The following LDLRAD4 variants were observed in gnomAD, a reference collection of about 807,000 sequenced individuals.
LDLRAD4 encodes low-density lipoprotein receptor class A domain-containing protein 4.
In LDLRAD4, 5 loss-of-function variants were observed where a neutral mutation model predicts 17.0. The ratio of observed to expected loss-of-function variants is 0.29; its 90% CI spans 0.15 to 0.62. The LOEUF is 0.62. Among genes scored for constraint, LDLRAD4 ranks in the 20% least tolerant of loss-of-function variants. The probability of loss-of-function intolerance (pLI) is 0.84; values close to 1 mark genes in which losing one functional copy is unlikely to be tolerated. For synonymous variants in LDLRAD4, 168 were observed against 171.8 expected, an observed-to-expected ratio of 0.98 and a Z score of 0.17; for missense variants, 340 against 424.7, an observed-to-expected ratio of 0.80 and a Z score of 1.75.
chr18:13,435,380 A>G (rs1175500718), intron 2 of LDLRAD4, among the ~76,000 whole-genome samples: 1 of 152,242 alleles, frequency 6.6e-6, no homozygotes, highest in Non-Finnish European at 1.5e-5. Context: ...TGTGATGGAA[A>G]GACCTTACTC....
At chr18:13,392,047 T>A (rs2086313417) in intron 2 of LDLRAD4, among the ~76,000 whole-genome samples, 1 of 152,260 alleles carries the variant, frequency 6.6e-6, no homozygotes. Flanking sequence ...ATAAACTCCC[T>A]GAGGCAAAAT....
chr18:13,253,234 G>C (rs1185054134), intron 1 of LDLRAD4, among the ~76,000 whole-genome samples: 1 of 152,036 alleles, frequency 6.6e-6, no homozygotes, highest in Admixed American at 6.6e-5. Context: ...AGTGTCAGAC[G>C]TGGGGTGGGG....
intron 3 of LDLRAD4, among the ~76,000 whole-genome samples, chr18:13,568,293 A>G (rs1601443168): frequency 6.7e-6 from 1 of 149,292 alleles, no homozygotes; most frequent in East Asian, 1.9e-4. Context: ...GACTCCGTTT[A>G]CAAAAAAAAA....
chr18:13,438,626 T>C (rs2090825936), intron 3 of LDLRAD4, among the ~76,000 whole-genome samples: 1 of 152,266 alleles, frequency 6.6e-6, no homozygotes, highest in Non-Finnish European at 1.5e-5. Context: ...GCTGTTTGTC[T>C]GAGCAATGCC....
intron 1 of LDLRAD4, among the ~76,000 whole-genome samples, chr18:13,320,095 T>C (rs1450239144): frequency 1.3e-5 from 2 of 152,232 alleles, no homozygotes; most frequent in East Asian, 3.9e-4. Context: ...CATCCTGAGA[T>C]TTCAACTTTA....
chr18:13,415,001 T>G (rs981958401), intron 2 of LDLRAD4, among the ~76,000 whole-genome samples: 9 of 152,228 alleles, frequency 5.9e-5, no homozygotes, highest in African/African-American at 2.2e-4. Context: ...ACCTAAAGAT[T>G]GCTGTGTAGT....
chr18:13,248,989 T>G (rs572050417), intron 1 of LDLRAD4, among the ~76,000 whole-genome samples: 3 of 152,270 alleles, frequency 2.0e-5, no homozygotes, highest in Non-Finnish European at 2.9e-5. Context: ...CACACATGAG[T>G]GAGAACCTGT....
rs556324371 is a variant in LDLRAD4 at position 13,336,615 on chromosome 18, A to G, written c.-382-50726A>G. ...TCTACCCCTTTCTTTGGATTCTGCAATACCTATTCTGTCTTATGCTCATTT... is the reference window on the plus strand; with the variant it reads ...TCTACCCCTTTCTTTGGATTCTGCAGTACCTATTCTGTCTTATGCTCATTT... On this transcript the variant is annotated intron_variant, in intron 1 of 5. Transcript: ENST00000359446. 3.3e-5 allele frequency among the ~76,000 whole-genome samples: 5 copies of G among 152,072 alleles called. No individual in the cohort carries two copies. In the East Asian group the frequency reaches 9.6e-4, roughly 29 times the overall value.
chr18:13,441,871 A>C (rs1487124722), intron 3 of LDLRAD4, among the ~76,000 whole-genome samples: 1 of 152,128 alleles, frequency 6.6e-6, no homozygotes, highest in Non-Finnish European at 1.5e-5. Flanking sequence ...TTATGGTTGG[A>C]CCGAGGCTGC....
At chr18:13,380,443 C>T (rs1239104960) in intron 1 of LDLRAD4, among the ~76,000 whole-genome samples, 1 of 152,198 alleles carries the variant, frequency 6.6e-6, no homozygotes, top group Non-Finnish European at 1.5e-5. Flanking sequence ...TTGCATTCCT[C>T]CCACACTCAT....
At chr18:13,505,672 C>G (rs1308986504) in intron 3 of LDLRAD4, among the ~76,000 whole-genome samples, 4 of 151,914 alleles carry the variant, frequency 2.6e-5, no homozygotes, top group African/African-American at 9.7e-5. Context: ...CAAAATATTA[C>G]CCGGGCGTGG....
intron 1 of LDLRAD4, among the ~76,000 whole-genome samples, chr18:13,331,034 C>G (rs2081834658): frequency 6.6e-6 from 1 of 152,190 alleles, no homozygotes; most frequent in South Asian, 2.1e-4. Context: ...TCATCTGTAT[C>G]CTTCCTAATA....
At chr18:13,325,537 T>C (rs2081476330) in intron 1 of LDLRAD4, among the ~76,000 whole-genome samples, 1 of 151,880 alleles carries the variant, frequency 6.6e-6, no homozygotes, top group African/African-American at 2.4e-5. Context: ...TTAAAGGGAG[T>C]TTTGGGGCCA....
chr18:13,349,127 C>G (rs2082891522), intron 1 of LDLRAD4, among the ~76,000 whole-genome samples: 1 of 152,246 alleles, frequency 6.6e-6, no homozygotes, highest in Non-Finnish European at 1.5e-5. Flanking sequence ...CCCGGTACCA[C>G]AGTTTGAAAT....
chr18:13,332,222 C>T (rs142477211), intron 1 of LDLRAD4, among the ~76,000 whole-genome samples: 6 of 152,302 alleles, frequency 3.9e-5, no homozygotes, highest in South Asian at 4.1e-4. Context: ...AAACACAAAA[C>T]ATTCTTTTTT....
chr18:13,364,136 C>T (rs2083888458), intron 1 of LDLRAD4, among the ~76,000 whole-genome samples: 1 of 152,090 alleles, frequency 6.6e-6, no homozygotes. Context: ...TAACATGATA[C>T]CGTTTTTGGC....
At chr18:13,562,352 A>G (rs2094550518) in intron 3 of LDLRAD4, among the ~76,000 whole-genome samples, 1 of 152,246 alleles carries the variant, frequency 6.6e-6, no homozygotes, top group African/African-American at 2.4e-5. Context: ...AACCTACATC[A>G]GTGAGACCTC....
At chr18:13,466,946 C>T (rs896627264) in intron 3 of LDLRAD4, among the ~76,000 whole-genome samples, 2 of 152,212 alleles carry the variant, frequency 1.3e-5, no homozygotes, top group African/African-American at 4.8e-5. Context: ...GGCTCCACTT[C>T]CTAATATCCT....
At position 13,335,470 on chromosome 18, in the gene LDLRAD4, C is replaced by A. The variant is rs555970682; in HGVS notation, c.-382-51871C>A. ...TCCCACCATCTTTTACTACTCTCCCCCAACACTACAATTTTTGCTGGTTGT... is the reference window on the plus strand; with the variant it reads ...TCCCACCATCTTTTACTACTCTCCCACAACACTACAATTTTTGCTGGTTGT... On this transcript the variant is annotated intron_variant, in intron 1 of 5. Coordinates refer to ENST00000359446, the Ensembl canonical transcript of LDLRAD4. Among the ~76,000 whole-genome samples the A allele has an allele frequency of 2.6e-5, 4 of 152,318 alleles. No homozygotes were observed. In the East Asian group the frequency reaches 5.8e-4, roughly 22 times the overall value.
Sources: gnomAD v4.1 joint callset for allele counts (sites outside exome capture counted in the v4.1 genomes callset) on GRCh38, gnomAD v4.1.1 for gene constraint, MANE v1.5 for transcripts, NCBI Gene and HGNC (gene_info 2026-07-23, HGNC 2026-07-21) for gene names.